SPATA16: variants seen among roughly 807,000 people sequenced by gnomAD.
SPATA16 encodes spermatogenesis associated 16.
Under a neutral mutation model 63.3 loss-of-function variants are expected in SPATA16, and 36 were observed. The ratio of observed to expected loss-of-function variants is 0.57; its 90% confidence interval spans 0.44 to 0.75. The LOEUF is 0.75. Among genes scored for constraint, SPATA16 ranks in the 30% least tolerant of loss-of-function variants. The probability of loss-of-function intolerance (pLI) is 0.00; values close to 1 mark genes in which losing one functional copy is unlikely to be tolerated. For missense variants in SPATA16, 646 were observed against 679.3 expected, an observed-to-expected ratio of 0.95 and a Z score of 0.54; for synonymous variants, 203 against 216.7, an observed-to-expected ratio of 0.94 and a Z score of 0.56.
chr3:173,051,017 T>G (rs371808766), intron 2 of SPATA16, among the ~76,000 whole-genome samples: 10 of 152,312 alleles, frequency 6.6e-5, no homozygotes, highest in Admixed American at 1.3e-4. Context: ...AGACAGCATC[T>G]CCTTTCTTCT....
chr3:172,971,274 T>TG (rs1278713891), intron 5 of SPATA16, among the ~76,000 whole-genome samples: 1 of 152,216 alleles, frequency 6.6e-6, no homozygotes, highest in East Asian at 1.9e-4. Flanking sequence ...TTGGAACACA[T>TG]GCGCACATAC....
intron 1 of SPATA16, among the ~76,000 whole-genome samples, chr3:173,124,340 G>A (rs1236111889): frequency 6.6e-6 from 1 of 152,214 alleles, no homozygotes; most frequent in African/African-American, 2.4e-5. Context: ...TCGGATACAT[G>A]AGAATCATGT....
chr3:173,006,694 C>A (rs1175997972), intron 4 of SPATA16, among the ~76,000 whole-genome samples: 2 of 152,154 alleles, frequency 1.3e-5, no homozygotes, highest in African/African-American at 4.8e-5. Context: ...TACAGTACTT[C>A]TTCTGAGTGA....
chr3:173,126,048 C>T (rs925991699), intron 1 of SPATA16, among the ~76,000 whole-genome samples: 1 of 141,242 alleles, frequency 7.1e-6, no homozygotes, highest in Non-Finnish European at 1.6e-5. Flanking sequence ...CATCCTGATT[C>T]TTTTTTCTTA....
intron 4 of SPATA16, among the ~76,000 whole-genome samples, chr3:173,010,888 A>C (rs1215898064): frequency 1.3e-5 from 2 of 152,136 alleles, no homozygotes; most frequent in African/African-American, 4.8e-5. Context: ...TGAATCCTCG[A>C]AACCCAACTC....
intron 6 of SPATA16, among the ~76,000 whole-genome samples, chr3:172,937,696 A>G (rs755941247): frequency 6.6e-6 from 1 of 152,204 alleles, no homozygotes; most frequent in Non-Finnish European, 1.5e-5. Flanking sequence ...GTAAATATAT[A>G]TACCCAGGGG....
chr3:173,050,348 A>C (rs1205710674), intron 2 of SPATA16, among the ~76,000 whole-genome samples: 2 of 152,088 alleles, frequency 1.3e-5, no homozygotes, highest in African/African-American at 4.8e-5. Flanking sequence ...TTGCTTGGCT[A>C]TCTTATTAAT....
At chr3:173,069,217 A>G (rs1736608299) in intron 2 of SPATA16, among the ~76,000 whole-genome samples, 1 of 152,088 alleles carries the variant, frequency 6.6e-6, no homozygotes, top group African/African-American at 2.4e-5. Flanking sequence ...TTCTTAAAAG[A>G]TAAACAAAAT....
At chr3:173,070,356 A>G (rs1011291358) in intron 2 of SPATA16, among the ~76,000 whole-genome samples, 25 of 151,080 alleles carry the variant, frequency 1.7e-4, no homozygotes, top group African/African-American at 5.1e-4. Context: ...GAGCATGTCA[A>G]TGCATTCCAG....
intron 2 of SPATA16, among the ~76,000 whole-genome samples, chr3:173,055,452 A>AC (rs1352907038): frequency 1.3e-5 from 2 of 152,216 alleles, no homozygotes; most frequent in East Asian, 3.8e-4. Flanking sequence ...GTGAGAAGGC[A>AC]CCAACTAGTG....
intron 6 of SPATA16, among the ~76,000 whole-genome samples, chr3:172,955,975 T>G (rs1422783642): frequency 3.9e-5 from 6 of 152,132 alleles, no homozygotes; most frequent in Admixed American, 3.9e-4. Flanking sequence ...TGAAGGGGCC[T>G]GAATAGAAGG....
At chr3:173,024,631 TA>T (rs987468398) in intron 3 of SPATA16, among the ~76,000 whole-genome samples, 4 of 150,610 alleles carry the variant, frequency 2.7e-5, no homozygotes, top group Non-Finnish European at 4.5e-5. Flanking sequence ...AATGAACAAA[TA>T]AAAAAATTCA....
At chr3:173,103,666 C>T (rs1011635531) in intron 2 of SPATA16, among the ~76,000 whole-genome samples, 1 of 152,212 alleles carries the variant, frequency 6.6e-6, no homozygotes, top group East Asian at 1.9e-4. Flanking sequence ...CCATTATTTC[C>T]TCCAGGGCCT....
chr3:173,013,031 T>C (rs1735105773), intron 4 of SPATA16, among the ~76,000 whole-genome samples: 1 of 152,172 alleles, frequency 6.6e-6, no homozygotes, highest in South Asian at 2.1e-4. Flanking sequence ...TGACAAGGTC[T>C]AATATCCAGA....
intron 2 of SPATA16, among the ~76,000 whole-genome samples, chr3:173,107,453 C>T (rs563774678): frequency 0.032 from 4,302 of 132,896 alleles, 203 homozygotes; most frequent in African/African-American, 0.12. Flanking sequence ...CTCTCTCTCT[C>T]TATTTTTTTT....
At chr3:173,058,946 T>C (rs1388255712) in intron 2 of SPATA16, among the ~76,000 whole-genome samples, 2 of 152,082 alleles carry the variant, frequency 1.3e-5, no homozygotes, top group South Asian at 4.1e-4. Context: ...TTTTTCCTTT[T>C]TAATCATTCT....
chr3:172,976,156 A>T (rs1577114632), intron 5 of SPATA16, among the ~76,000 whole-genome samples: 1 of 152,224 alleles, frequency 6.6e-6, no homozygotes, highest in East Asian at 1.9e-4. Context: ...TAACAATTTC[A>T]TTGGAAATGG....
At chr3:173,002,549 C>T (rs1196169327) in intron 4 of SPATA16, among the ~76,000 whole-genome samples, 1 of 152,134 alleles carries the variant, frequency 6.6e-6, no homozygotes, top group African/African-American at 2.4e-5. Flanking sequence ...CCAGAACCTA[C>T]ACTATTCTGA....
intron 5 of SPATA16, among the ~76,000 whole-genome samples, chr3:172,961,058 TCTTTCTTCTTTCTTCCTTCCTTCCTTC>T (rs1733760558): frequency 2.7e-5 from 1 of 36,866 alleles, no homozygotes; most frequent in African/African-American, 1.1e-4. Flanking sequence ...CTTCTTTCTT[TCTTTCTTCTTTCTTCCTTCCTTCCTTC>T]CTTCCTTCCT....
Sources: gnomAD v4.1 joint callset for allele counts (sites outside exome capture counted in the v4.1 genomes callset) on GRCh38, gnomAD v4.1.1 for gene constraint, MANE v1.5 for transcripts, NCBI Gene and HGNC (gene_info 2026-07-23, HGNC 2026-07-21) for gene names.